GPR107: variants seen among roughly 807,000 people sequenced by gnomAD.
GPR107 encodes the protein protein GPR107.
In GPR107, 31 loss-of-function variants were observed where a neutral mutation model predicts 75.5. That is an observed-to-expected ratio of 0.41 (90% CI 0.31 to 0.55). The LOEUF (loss-of-function observed/expected upper bound fraction) is 0.55. GPR107 is among the 20% of genes least tolerant of loss of function. The pLI is 0.26. For missense variants in GPR107, 572 were observed against 665.7 expected (o/e 0.86, Z 1.55); for synonymous variants, 267 against 251.3 (o/e 1.06, Z -0.59).
In GPR107 at chr9:130,064,185, C is replaced by CTTTTTTTTTT. The variant is rs1045833413; in HGVS notation, c.141+10126_141+10135dup. 4.0e-4 allele frequency among the ~76,000 whole-genome samples: 33 copies of CTTTTTTTTTT among 82,586 alleles called. 2 individuals are homozygous for CTTTTTTTTTT. The highest frequency in any genetic ancestry group is 5.1e-4 in the Non-Finnish European group (23 of 45,402). 54.2% of individuals were successfully genotyped at this position (82,586 alleles called of 152,430 possible). ...GTATCTGAACTATAAAATAGCTTTT[C>CTTTTTTTTTT]TTTTTTTTTTTTTTTTTTTTTTTGA... On this transcript the variant is annotated intron_variant, in intron 1 of 17. Coordinates refer to ENST00000347136, the MANE Select transcript of GPR107 (RefSeq NM_020960.5).
At chr9:130,115,651 G>C (rs1831406420) in intron 14 of GPR107, among the ~76,000 whole-genome samples, 1 of 145,326 alleles carries the variant, frequency 6.9e-6, no homozygotes, top group Non-Finnish European at 1.5e-5. Context: ...TGTAGTGCCA[G>C]CTACTCGGGA....
At chr9:130,056,907 A>G (rs1411988149) in intron 1 of GPR107, among the ~76,000 whole-genome samples, 1 of 121,418 alleles carries the variant, frequency 8.2e-6, no homozygotes, top group Non-Finnish European at 1.6e-5. Flanking sequence ...CCTGGGTGAC[A>G]GAGCGAGACT....
chr9:130,115,048 A>G (rs1368802194), intron 14 of GPR107, among the ~76,000 whole-genome samples: 4 of 152,226 alleles, frequency 2.6e-5, no homozygotes, highest in African/African-American at 9.6e-5. Flanking sequence ...GAGGAGAAAT[A>G]ATCACTGAGT....
intron 15 of GPR107, among the ~76,000 whole-genome samples, chr9:130,125,769 G>A (rs1001708317): frequency 5.3e-5 from 8 of 152,042 alleles, no homozygotes; most frequent in African/African-American, 1.9e-4. Context: ...TGGAGTATCA[G>A]CTGGGTGCGG....
At chr9:130,068,598 T>C (rs1346790909) in intron 1 of GPR107, among the ~76,000 whole-genome samples, 3 of 152,174 alleles carry the variant, frequency 2.0e-5, no homozygotes, top group African/African-American at 7.2e-5. Flanking sequence ...GTATCATTAC[T>C]CTATTTTTTT....
chr9:130,088,132 T>C (rs1237683373), intron 7 of GPR107, among the ~76,000 whole-genome samples: 1 of 152,212 alleles, frequency 6.6e-6, no homozygotes, highest in African/African-American at 2.4e-5. Flanking sequence ...GCTTTCCATC[T>C]GTCTTGGAGT....
intron 17 of GPR107, among the ~76,000 whole-genome samples, chr9:130,131,869 C>T (rs1382938995): frequency 6.6e-6 from 1 of 152,170 alleles, no homozygotes; most frequent in Non-Finnish European, 1.5e-5. Context: ...CCGATCCTCT[C>T]CCCTTCCTGT....
At chr9:130,121,486 G>A (rs570981663) in intron 14 of GPR107, among the ~76,000 whole-genome samples, 1 of 152,322 alleles carries the variant, frequency 6.6e-6, no homozygotes, top group African/African-American at 2.4e-5. Flanking sequence ...AGGAGAACAA[G>A]CTCAGTCTTC....
chr9:130,114,754 T>C, intron 14 of GPR107: 1 of 966,778 alleles, frequency 1.0e-6, no homozygotes, highest in Non-Finnish European at 1.3e-6. Flanking sequence ...TCTTTAGGAA[T>C]TTTTAAAAGT....
intron 9 of GPR107, among the ~76,000 whole-genome samples, chr9:130,096,468 CTT>C (rs34230243): frequency 2.5e-5 from 3 of 122,330 alleles, no homozygotes; most frequent in Non-Finnish European, 3.2e-5. Flanking sequence ...CATTTTTGGA[CTT>C]TTTTTTTTTT....
At chr9:130,064,779 C>G (rs1006351195) in intron 1 of GPR107, among the ~76,000 whole-genome samples, 1 of 151,990 alleles carries the variant, frequency 6.6e-6, no homozygotes, top group African/African-American at 2.4e-5. Flanking sequence ...GTGGAGAGGG[C>G]GCAGAGGCAC....
intron 1 of GPR107, among the ~76,000 whole-genome samples, chr9:130,068,019 T>G (rs1336569362): frequency 6.6e-6 from 1 of 151,606 alleles, no homozygotes; most frequent in Non-Finnish European, 1.5e-5. Flanking sequence ...GGATTACAGG[T>G]GCGAGCCATC....
chr9:130,094,681 GTTTTT>G (rs540126705), intron 9 of GPR107, among the ~76,000 whole-genome samples: 1 of 149,476 alleles, frequency 6.7e-6, no homozygotes, highest in East Asian at 2.0e-4. Context: ...GTTTGTTTTT[GTTTTT>G]TTTTGTTTTT....
At chr9:130,094,011 C>T (rs1429332988) in intron 9 of GPR107, among the ~76,000 whole-genome samples, 1 of 152,084 alleles carries the variant, frequency 6.6e-6, no homozygotes, top group Non-Finnish European at 1.5e-5. Flanking sequence ...GACGGGCTTT[C>T]ACCATGTTGG....
chr9:130,066,302 GAAAAAT>G (rs1418573620), intron 1 of GPR107, among the ~76,000 whole-genome samples: 3 of 151,804 alleles, frequency 2.0e-5, no homozygotes, highest in South Asian at 2.1e-4. Flanking sequence ...TCTGTCCCAA[GAAAAAT>G]AAAAATAAAA....
chr9:130,068,835 G>A (rs1564660452), intron 1 of GPR107, among the ~76,000 whole-genome samples: 1 of 151,352 alleles, frequency 6.6e-6, no homozygotes, highest in East Asian at 1.9e-4. Flanking sequence ...TCCGCCTCCT[G>A]GATGGGTTCA....
chr9:130,071,319 G>A (rs1225375776), intron 1 of GPR107, among the ~76,000 whole-genome samples: 1 of 150,970 alleles, frequency 6.6e-6, no homozygotes, highest in Admixed American at 6.7e-5. Context: ...GAGCCACCTC[G>A]CCTGGCCCCT....
At position 130,077,178 on chromosome 9, in the gene GPR107, G is replaced by A. The variant is rs184264774; in HGVS notation, c.307-121G>A. ...TGGGATTACAGGCGTGAGCCACCAC[G>A]CCCACCGGTTTACTATTTTGAATGG... On this transcript the variant is annotated intron_variant, in intron 3 of 17. Coordinates refer to ENST00000347136, the MANE Select transcript of GPR107 (RefSeq NM_020960.5). 443 of 662,836 alleles carry A rather than the reference G, an allele frequency of 6.7e-4. 1 individual carries two copies. The highest frequency in any genetic ancestry group is 6.1e-3 in the African/African-American group (342 of 56,298). The allele number at this position is 662,836 out of a possible 1,614,324, so 41.1% of individuals were successfully genotyped here.
chr9:130,126,643 C>G (rs1831695607), intron 15 of GPR107, among the ~76,000 whole-genome samples: 1 of 152,176 alleles, frequency 6.6e-6, no homozygotes, highest in Non-Finnish European at 1.5e-5. Flanking sequence ...AGCCATCGCG[C>G]CCGGCCCTGT....
Sources: gnomAD v4.1 joint callset for allele counts (sites outside exome capture counted in the v4.1 genomes callset) on GRCh38, gnomAD v4.1.1 for gene constraint, MANE v1.5 for transcripts, NCBI Gene and HGNC (gene_info 2026-07-23, HGNC 2026-07-21) for gene names.